NSDHL: variants seen among roughly 807,000 people sequenced by gnomAD.
NSDHL encodes sterol-4-alpha-carboxylate 3-dehydrogenase, decarboxylating.
In NSDHL, 1 loss-of-function variant was observed where a neutral mutation model predicts 23.0. The observed-to-expected ratio is 0.04, with a 90% confidence interval of 0.02 to 0.21. NSDHL has a LOEUF of 0.21. Among genes scored for constraint, NSDHL ranks in the 10% least tolerant of loss-of-function variants. The pLI, the probability that NSDHL is intolerant of heterozygous loss-of-function variation, is 1.00. For missense variants in NSDHL, 237 were observed against 300.9 expected, an observed-to-expected ratio of 0.79 and a Z score of 1.57; for synonymous variants, 128 against 121.1, an observed-to-expected ratio of 1.06 and a Z score of -0.37.
At chrX:152,848,666 C>G (rs1463970635) in intron 2 of NSDHL, among the ~76,000 whole-genome samples, 1 of 112,295 alleles carries the variant, frequency 8.9e-6, no homozygotes, top group African/African-American at 3.2e-5. Flanking sequence ...TGAAATCTTT[C>G]AGGATGCTTT....
chrX:152,849,480 A>T (rs375332945), intron 2 of NSDHL, among the ~76,000 whole-genome samples: 2 of 112,438 alleles, frequency 1.8e-5, no homozygotes, highest in African/African-American at 6.5e-5. Context: ...AAGTGCCTGC[A>T]TGTGCTACTG....
intron 4 of NSDHL, among the ~76,000 whole-genome samples, chrX:152,861,991 T>A (rs1933536509): frequency 8.9e-6 from 1 of 112,716 alleles, no homozygotes; most frequent in South Asian, 3.6e-4. Flanking sequence ...GAGCTTCTCA[T>A]ACAATGTTGA....
intron 5 of NSDHL, among the ~76,000 whole-genome samples, chrX:152,863,527 C>T (rs1473021295): frequency 1.8e-5 from 2 of 112,657 alleles, no homozygotes; most frequent in African/African-American, 3.2e-5. Flanking sequence ...AAACAAACAA[C>T]GGAAGGATCT....
chrX:152,862,349 A>G lies in NSDHL; in HGVS notation c.415-247A>G, dbSNP rs781944604. Among the ~76,000 whole-genome samples the G allele has an allele frequency of 1.1e-4, 12 of 112,499 alleles. No homozygotes were observed. The East Asian group carries it at 3.0e-3, about 29-fold the overall frequency. Reference sequence around the variant, plus strand: ...TGTTATCCCTTGTTTTGAAACCAAGATCTCTTGATTCTTGGTTAGAATGTA... The same window carrying G: ...TGTTATCCCTTGTTTTGAAACCAAGGTCTCTTGATTCTTGGTTAGAATGTA... On this transcript the variant is annotated intron_variant, in intron 4 of 7. Transcript: ENST00000370274.
intron 1 of NSDHL, among the ~76,000 whole-genome samples, chrX:152,839,588 G>T (rs1174600554): frequency 8.9e-6 from 1 of 112,427 alleles, no homozygotes; most frequent in African/African-American, 3.2e-5. Flanking sequence ...GAAATTCTAG[G>T]TTGAAAATTC....
chrX:152,860,905 A>G (rs1322867549), intron 4 of NSDHL, among the ~76,000 whole-genome samples: 1 of 112,081 alleles, frequency 8.9e-6, no homozygotes, highest in African/African-American at 3.2e-5. Context: ...TGTGTAAGCA[A>G]TATAAAGTAT....
chrX:152,853,278 C>T (rs1268134833), intron 3 of NSDHL, among the ~76,000 whole-genome samples: 2 of 110,078 alleles, frequency 1.8e-5, no homozygotes, highest in Non-Finnish European at 3.8e-5. Context: ...CCACAGCAAA[C>T]CTATTTCTGC....
At chrX:152,837,099 CTGTT>C (rs1442589881) in intron 1 of NSDHL, among the ~76,000 whole-genome samples, 1 of 111,862 alleles carries the variant, frequency 8.9e-6, no homozygotes, top group East Asian at 2.8e-4. Context: ...ATTTGGCTCT[CTGTT>C]TGTCTGCTAT....
chrX:152,851,027 G>C (rs1556846219), intron 3 of NSDHL, among the ~76,000 whole-genome samples: 1 of 112,026 alleles, frequency 8.9e-6, no homozygotes, highest in Non-Finnish European at 1.9e-5. Context: ...TGTAATATTT[G>C]TACCTCTGTG....
At chrX:152,861,438 T>C (rs1933526765) in intron 4 of NSDHL, among the ~76,000 whole-genome samples, 1 of 113,058 alleles carries the variant, frequency 8.8e-6, no homozygotes, top group Non-Finnish European at 1.9e-5. Context: ...TAAGTCTCAG[T>C]GTACCGTAGA....
intron 3 of NSDHL, among the ~76,000 whole-genome samples, chrX:152,855,384 G>A (rs782041700): frequency 8.9e-6 from 1 of 111,822 alleles, no homozygotes; most frequent in African/African-American, 3.3e-5. Flanking sequence ...GTCGTTGTTC[G>A]TTTGTAGGTT....
At chrX:152,851,330 C>T (rs781963859) in intron 3 of NSDHL, among the ~76,000 whole-genome samples, 4 of 111,707 alleles carry the variant, frequency 3.6e-5, no homozygotes, top group African/African-American at 1.3e-4. Flanking sequence ...ACTGGGTGAT[C>T]GGCTTTCAGG....
chrX:152,854,996 C>CT (rs138412629), intron 3 of NSDHL, among the ~76,000 whole-genome samples: 2,622 of 98,741 alleles, frequency 0.027, 94 homozygotes, highest in African/African-American at 0.085. Flanking sequence ...TTACATAACA[C>CT]TTTTTTTTTT....
chrX:152,857,338 A>G (rs1933458216), intron 3 of NSDHL, among the ~76,000 whole-genome samples: 2 of 112,272 alleles, frequency 1.8e-5, no homozygotes, highest in Admixed American at 1.9e-4. Context: ...GGCAGCCATC[A>G]TCATCACCAC....
rs1439723889 is a variant in NSDHL, at chrX:152,854,766, CCCCA to C, written c.268-4003_268-4000del. Among the ~76,000 whole-genome samples the C allele has an allele frequency of 1.5e-3, 167 of 109,183 alleles. 1 individual carries two copies. The highest frequency in any genetic ancestry group is 5.1e-3 in the African/African-American group (152 of 29,940). The allele number at this position is 109,183 out of a possible 115,157, so 94.8% of individuals were successfully genotyped here. On this transcript the variant is annotated intron_variant, in intron 3 of 7. Coordinates refer to ENST00000370274, the MANE Select transcript of NSDHL (RefSeq NM_015922.3). ...GGTGTGGTGGTATGCACTTGTAGTC[CCCCA>C]GCTATTTGGAAGGCCAAGGTGGGAG...
At chrX:152,847,792 A>G (rs1002432789) in intron 2 of NSDHL, among the ~76,000 whole-genome samples, 2 of 111,029 alleles carry the variant, frequency 1.8e-5, no homozygotes, top group Non-Finnish European at 3.8e-5. Flanking sequence ...GGTTGGAAAA[A>G]CCCAGCGCCC....
chrX:152,863,827 C>T (rs1933564624), intron 5 of NSDHL, among the ~76,000 whole-genome samples: 1 of 111,991 alleles, frequency 8.9e-6, no homozygotes, highest in Admixed American at 9.4e-5. Context: ...GAGGTTTTCT[C>T]GCAAAGCCGG....
At chrX:152,846,602 A>G (rs1249888765) in intron 2 of NSDHL, among the ~76,000 whole-genome samples, 170 bp downstream of exon 2, 2 of 113,094 alleles carry the variant, frequency 1.8e-5, no homozygotes, top group African/African-American at 6.4e-5. Context: ...ATCAGAACAC[A>G]GTGGTTTAAA....
At chrX:152,833,935 T>C (rs1933052729) in intron 1 of NSDHL, among the ~76,000 whole-genome samples, 2 of 112,888 alleles carry the variant, frequency 1.8e-5, no homozygotes, top group Non-Finnish European at 3.7e-5. Context: ...CTGGGGGTTC[T>C]TTTACAAGTT....
Sources: gnomAD v4.1 joint callset for allele counts (sites outside exome capture counted in the v4.1 genomes callset) on GRCh38, gnomAD v4.1.1 for gene constraint, MANE v1.5 for transcripts, NCBI Gene and HGNC (gene_info 2026-07-23, HGNC 2026-07-21) for gene names.